ZNF521: variants seen among roughly 807,000 people sequenced by gnomAD.
ZNF521 encodes the protein LYST-interacting protein 3.
ZNF521 carries 14 observed loss-of-function variants against 105.5 expected under a neutral mutation model. The ratio of observed to expected loss-of-function variants is 0.13; its 90% CI spans 0.09 to 0.21. The LOEUF is 0.21. Among genes scored for constraint, ZNF521 ranks in the 10% least tolerant of loss-of-function variants. The pLI, the probability that ZNF521 is intolerant of heterozygous loss-of-function variation, is 1.00. For synonymous variants in ZNF521, 635 were observed against 606.0 expected, an observed-to-expected ratio of 1.05 and a Z score of -0.70; for missense variants, 1,233 against 1,629.7, an observed-to-expected ratio of 0.76 and a Z score of 4.19.
At chr18:25,231,578 A>G (rs1403263939) in intron 3 of ZNF521, 11 of 152,208 alleles carry the variant, frequency 7.2e-5, no homozygotes, top group Admixed American at 6.5e-4. Context: ...CAAGCACGCA[A>G]ATGAGGGTCT....
At chr18:25,187,158 TAAGCACATTATTTTCCTA>T (rs1362548483) in intron 5 of ZNF521, among the ~76,000 whole-genome samples, 2 of 152,090 alleles carry the variant, frequency 1.3e-5, no homozygotes, top group African/African-American at 4.8e-5. Context: ...GTAAAATTTC[TAAGCACATTATTTTCCTA>T]AAGAACATTA....
intron 2 of ZNF521, among the ~76,000 whole-genome samples, chr18:25,331,217 C>T (rs1484452500): frequency 6.6e-6 from 1 of 152,086 alleles, no homozygotes; most frequent in Non-Finnish European, 1.5e-5. Flanking sequence ...TCAAGGACTC[C>T]CTTCTTCCAT....
At chr18:25,174,377 A>C (rs1264232876) in intron 5 of ZNF521, among the ~76,000 whole-genome samples, 1 of 152,174 alleles carries the variant, frequency 6.6e-6, no homozygotes, top group Non-Finnish European at 1.5e-5. Context: ...AATTCATATC[A>C]AAAAATCGTT....
At chr18:25,205,886 T>A (rs181289926) in intron 4 of ZNF521, among the ~76,000 whole-genome samples, 12 of 152,330 alleles carry the variant, frequency 7.9e-5, no homozygotes, top group African/African-American at 2.9e-4. Context: ...TAAAAAATTC[T>A]CTTATAATTC....
chr18:25,062,727 G>T lies in ZNF521; in HGVS notation c.3921C>A (p.Thr1307=). The T allele has an allele frequency of 2.5e-6, 2 of 796,406 alleles. No homozygotes were observed. The highest frequency in any genetic ancestry group is 1.4e-5 in the South Asian group (1 of 72,220). 49.3% of individuals were successfully genotyped at this position (796,406 alleles called of 1,614,324 possible). ...TGTACTTGCACTAACTGCTGTGTTG[G>T]GTCATTGTATGATTCTGTAAATAAC... is the stretch of plus-strand genomic sequence containing the variant. ...FQTELQNHTM[T]QHSS The change falls in exon 8 of 8, where the codon ACC becomes ACA. Residue 1307 remains threonine (T), a synonymous_variant. Coordinates refer to ENST00000361524, the MANE Select transcript of ZNF521 (RefSeq NM_015461.3).
In ZNF521 at chr18:25,117,054, T is replaced by TATACAC. The variant is rs1344664183; in HGVS notation, c.3659-24974_3659-24973insGTGTAT. 2.6e-4 allele frequency among the ~76,000 whole-genome samples: 17 copies of TATACAC among 64,698 alleles called. No homozygotes were observed. The East Asian group carries it at 7.6e-3, about 29-fold the overall frequency. 42.4% of individuals were successfully genotyped at this position (64,698 alleles called of 152,430 possible). On this transcript the variant is annotated intron_variant, in intron 5 of 7. Transcript: ENST00000361524. The stretch of plus-strand genomic sequence containing the variant: ...ACATACACACACACACACATATATA[T>TATACAC]ACACACACACACACACACACACACA...
chr18:25,244,904 T>C (rs2144816290), intron 3 of ZNF521, among the ~76,000 whole-genome samples: 1 of 152,358 alleles, frequency 6.6e-6, no homozygotes, highest in Middle Eastern at 3.4e-3. Context: ...TAAATATATT[T>C]GTGGGCTAGC....
chr18:25,187,794 A>G (rs576420871), intron 5 of ZNF521, among the ~76,000 whole-genome samples: 60 of 152,320 alleles, frequency 3.9e-4, no homozygotes, highest in African/African-American at 1.4e-3. Flanking sequence ...CAGCGAAGTA[A>G]TGGCAGCTTG....
At chr18:25,195,642 A>G (rs1446463489) in intron 4 of ZNF521, among the ~76,000 whole-genome samples, 1 of 151,776 alleles carries the variant, frequency 6.6e-6, no homozygotes, top group Admixed American at 6.6e-5. Flanking sequence ...TCTGACCAAC[A>G]TAACTGGGGT....
intron 2 of ZNF521, among the ~76,000 whole-genome samples, chr18:25,337,897 G>GA (rs1406259997): frequency 6.6e-6 from 1 of 152,074 alleles, no homozygotes; most frequent in Middle Eastern, 3.2e-3. Context: ...ATCATACAAT[G>GA]GATACTGCAA....
chr18:25,108,034 AG>A (rs1600035969), intron 5 of ZNF521, among the ~76,000 whole-genome samples: 1 of 152,320 alleles, frequency 6.6e-6, no homozygotes, highest in East Asian at 1.9e-4. Flanking sequence ...TCTCTCTTAG[AG>A]CTAGAATTTA....
At chr18:25,239,560 G>C (rs904275881) in intron 3 of ZNF521, among the ~76,000 whole-genome samples, 1 of 152,222 alleles carries the variant, frequency 6.6e-6, no homozygotes, top group Non-Finnish European at 1.5e-5. Context: ...GGAGTAAGAA[G>C]TGAGAAAAGA....
chr18:25,128,046 C>T (rs1024593012), intron 5 of ZNF521, among the ~76,000 whole-genome samples: 3 of 151,784 alleles, frequency 2.0e-5, no homozygotes, highest in Admixed American at 2.0e-4. Flanking sequence ...ACCACTATGC[C>T]TCATGAACAC....
chr18:25,351,092 C>T (rs1211690567), intron 1 of ZNF521, 145 bp from the exon 2 acceptor site: 3 of 363,660 alleles, frequency 8.2e-6, no homozygotes, highest in Admixed American at 6.4e-5. Context: ...CTCCTCGCTC[C>T]GGCTCCGGCT....
At chr18:25,211,048 A>G (rs955747232) in intron 4 of ZNF521, among the ~76,000 whole-genome samples, 2 of 152,364 alleles carry the variant, frequency 1.3e-5, no homozygotes, top group Non-Finnish European at 2.9e-5. Flanking sequence ...AATATTCCCC[A>G]AAGTGTGAGA....
chr18:25,297,659 C>T (rs761907420), intron 3 of ZNF521, among the ~76,000 whole-genome samples: 1 of 152,104 alleles, frequency 6.6e-6, no homozygotes, highest in East Asian at 1.9e-4. Context: ...AAGACAAATA[C>T]GTACTCTGTT....
intron 5 of ZNF521, among the ~76,000 whole-genome samples, chr18:25,159,022 T>C (rs1009380374): frequency 5.3e-5 from 8 of 150,698 alleles, no homozygotes; most frequent in African/African-American, 1.7e-4. Context: ...CCAGCAAACA[T>C]GTAAAGTGTG....
chr18:25,066,294 C>G (rs757077532), intron 7 of ZNF521, among the ~76,000 whole-genome samples: 3 of 152,160 alleles, frequency 2.0e-5, no homozygotes, highest in Non-Finnish European at 4.4e-5. Flanking sequence ...TTGGAAACAA[C>G]CCCGCCATGG....
At chr18:25,262,972 C>T (rs1909011101) in intron 3 of ZNF521, among the ~76,000 whole-genome samples, 1 of 152,180 alleles carries the variant, frequency 6.6e-6, no homozygotes, top group African/African-American at 2.4e-5. Flanking sequence ...TGGTGAGTAA[C>T]TGTGAAGCAG....
Sources: gnomAD v4.1 joint callset for allele counts (sites outside exome capture counted in the v4.1 genomes callset) on GRCh38, gnomAD v4.1.1 for gene constraint, MANE v1.5 for transcripts, NCBI Gene and HGNC (gene_info 2026-07-23, HGNC 2026-07-21) for gene names.